Variants in ETNK1 observed in about 807,000 individuals in gnomAD.
ETNK1 encodes ethanolamine kinase 1.
A neutral mutation model predicts 45.1 loss-of-function variants in ETNK1; 8 were observed. The ratio of observed to expected loss-of-function variants is 0.18; its 90% CI spans 0.10 to 0.32. The LOEUF is 0.32. Among genes scored for constraint, ETNK1 ranks in the 10% least tolerant of loss-of-function variants. The probability of loss-of-function intolerance (pLI) is 1.00; values close to 1 mark genes in which losing one functional copy is unlikely to be tolerated. For missense variants in ETNK1, 302 were observed against 430.6 expected (o/e 0.70, Z 2.64); for synonymous variants, 152 against 151.9 (o/e 1.00, Z -0.01).
chr12:22,645,157 T>G (rs1283818743), intron 2 of ETNK1, among the ~76,000 whole-genome samples: 1 of 151,962 alleles, frequency 6.6e-6, no homozygotes, highest in Non-Finnish European at 1.5e-5. Flanking sequence ...TAGGCTTGCA[T>G]GTATTTATAA....
Position 22,684,700 on chromosome 12 carries a change from A to T in ETNK1, c.1019+144A>T. 4 of 763,362 alleles carry T rather than the reference A, an allele frequency of 5.2e-6. No individual in the cohort carries two copies. In the East Asian group the frequency reaches 1.1e-4, roughly 20 times the overall value. 47.3% of individuals were successfully genotyped at this position (763,362 alleles called of 1,614,324 possible). On this transcript the variant is annotated intron_variant, in intron 7 of 7. Coordinates refer to ENST00000266517, the MANE Select transcript of ETNK1 (RefSeq NM_018638.5). ...GTAATTGGTCTGTGAAGAAATTGCT[A>T]TAAGCTGTTAAGTGCTCGCAGGATT...
intron 6 of ETNK1, 54 bp downstream of exon 6, chr12:22,673,714 T>A: frequency 6.8e-7 from 1 of 1,481,114 alleles, no homozygotes; most frequent in Non-Finnish European, 9.1e-7. Context: ...TTGAAAATGC[T>A]TCTAAATTTT....
rs1954255678 is a variant in ETNK1 at position 22,685,777 on chromosome 12, TC to T, written c.*825del. On this transcript the variant is annotated 3_prime_UTR_variant, in exon 8 of 8. Transcript: ENST00000266517. ...ATCAAATTGTTTCTAACCAAAAATT[TC>T]CTTTTACTTCTAGAGATGCTTTATG... 1 of 151,926 alleles carries T rather than the reference TC, an allele frequency of 6.6e-6. No homozygotes were observed. Among genetic ancestry groups the T allele is most frequent in the Non-Finnish European group, 1.5e-5 (1 of 67,806 alleles). 9.4% of individuals were successfully genotyped at this position (151,926 alleles called of 1,614,324 possible). A position where few individuals can be genotyped will look rare whatever the true frequency, so the allele number is the denominator to read the frequency against.
At chr12:22,661,564 A>G (rs1426292152) in intron 4 of ETNK1, among the ~76,000 whole-genome samples, 2 of 152,204 alleles carry the variant, frequency 1.3e-5, no homozygotes, top group African/African-American at 4.8e-5. Context: ...GAAAATCAAC[A>G]TATTGACATT....
chr12:22,650,383 C>T (rs1380886492), intron 2 of ETNK1, among the ~76,000 whole-genome samples: 7 of 151,444 alleles, frequency 4.6e-5, no homozygotes, highest in Admixed American at 2.0e-4. Context: ...CTTCAAATTA[C>T]GTGTCATTAA....
intron 6 of ETNK1, among the ~76,000 whole-genome samples, chr12:22,674,603 G>A (rs74421374): frequency 6.6e-6 from 1 of 152,208 alleles, no homozygotes; most frequent in East Asian, 1.9e-4. Flanking sequence ...TTGTATTTAA[G>A]CATGATCTTA....
chr12:22,640,302 C>A (rs950882765), intron 1 of ETNK1, among the ~76,000 whole-genome samples: 1 of 151,408 alleles, frequency 6.6e-6, no homozygotes, highest in African/African-American at 2.4e-5. Flanking sequence ...TAAAGTTTAA[C>A]AGGATATAAT....
At chr12:22,681,955 C>A (rs1335017543) in intron 6 of ETNK1, among the ~76,000 whole-genome samples, 1 of 152,056 alleles carries the variant, frequency 6.6e-6, no homozygotes, top group Non-Finnish European at 1.5e-5. Context: ...GTGATAGTTT[C>A]TTAAAGGTTA....
At chr12:22,642,786 T>G (rs1368168252) in intron 1 of ETNK1, among the ~76,000 whole-genome samples, 1 of 152,098 alleles carries the variant, frequency 6.6e-6, no homozygotes, top group Non-Finnish European at 1.5e-5. Flanking sequence ...CTTTTCTCTT[T>G]TCTTCCTTTG....
At chr12:22,661,543 T>C (rs983494292) in intron 4 of ETNK1, among the ~76,000 whole-genome samples, 2 of 152,162 alleles carry the variant, frequency 1.3e-5, no homozygotes, top group Non-Finnish European at 2.9e-5. Context: ...CTGCTTGTAA[T>C]GGGGGATGTG....
At chr12:22,671,116 A>G (rs1392591513) in intron 4 of ETNK1, 156 bp from the exon 5 acceptor site, 6 of 611,526 alleles carry the variant, frequency 9.8e-6, no homozygotes, top group Non-Finnish European at 1.1e-5. Context: ...TTGCCATAAA[A>G]TTCACAGCCC....
intron 3 of ETNK1, among the ~76,000 whole-genome samples, chr12:22,659,907 AC>A (rs892737143): frequency 5.3e-5 from 8 of 152,136 alleles, no homozygotes; most frequent in African/African-American, 1.9e-4. Context: ...AGAAAATAAT[AC>A]AACTAGAACA....
intron 6 of ETNK1, among the ~76,000 whole-genome samples, chr12:22,680,723 T>C (rs142633219): frequency 1.3e-4 from 20 of 152,294 alleles, no homozygotes; most frequent in African/African-American, 4.1e-4. Context: ...TGAAATAGTA[T>C]AAATGGTTAG....
rs1416798009 is a variant in ETNK1 at position 22,688,590 on chromosome 12, A to G, written c.*3636A>G. On this transcript the variant is annotated 3_prime_UTR_variant, in exon 8 of 8. Transcript: ENST00000266517. ...AAATTGTTTTTAATAAGCATTCCAA[A>G]GTGATACAGACTTAAGCTTTTAATC... 1 of 152,322 alleles carries G rather than the reference A, an allele frequency of 6.6e-6. No individual in the cohort carries two copies. Among genetic ancestry groups the G allele is most frequent in the African/African-American group, 2.4e-5 (1 of 41,424 alleles). The allele number at this position is 152,322 out of a possible 1,614,324, so 9.4% of individuals were successfully genotyped here. A position where few individuals can be genotyped will look rare whatever the true frequency, so the allele number is the denominator to read the frequency against.
chr12:22,648,527 A>G (rs1254454686), intron 2 of ETNK1, among the ~76,000 whole-genome samples: 1 of 151,830 alleles, frequency 6.6e-6, no homozygotes, highest in Non-Finnish European at 1.5e-5. Context: ...TGTTTCTTCC[A>G]TGTCTTTTTA....
At chr12:22,677,999 G>A (rs1441626973) in intron 6 of ETNK1, among the ~76,000 whole-genome samples, 1 of 152,076 alleles carries the variant, frequency 6.6e-6, no homozygotes, top group Non-Finnish European at 1.5e-5. Flanking sequence ...TGCTTTTCCT[G>A]CCCTTCTGGG....
Position 22,625,186 on chromosome 12 carries a change from C to T in ETNK1, c.-245C>T. 6.2e-7 allele frequency: 1 copy of T among 1,606,754 alleles called. No individual in the cohort carries two copies. The highest frequency in any genetic ancestry group is 8.5e-7 in the Non-Finnish European group (1 of 1,176,664). On this transcript the variant is annotated 5_prime_UTR_variant, in exon 1 of 8. Transcript: ENST00000266517. ...GGCATGCTCTGCGGCCGCCCGCGGT[C>T]CAGCTCCGACAACAGGAATTTTCTC...
At chr12:22,658,569 T>C (rs1301530521) in intron 2 of ETNK1, among the ~76,000 whole-genome samples, 3 of 152,126 alleles carry the variant, frequency 2.0e-5, no homozygotes, top group African/African-American at 4.8e-5. Context: ...CATTGAGATA[T>C]AGGTATAGGG....
Position 22,655,727 on chromosome 12 carries a change from T to C in ETNK1, c.417-3287T>C, listed in dbSNP as rs557591418. Reference sequence around the variant, plus strand: ...AAATAGATCAAATTTTTTGTAGATGTTAATTTTTTTTCCTGGTGTTTGGGG... The same window carrying C: ...AAATAGATCAAATTTTTTGTAGATGCTAATTTTTTTTCCTGGTGTTTGGGG... On this transcript the variant is annotated intron_variant, in intron 2 of 7. Coordinates refer to ENST00000266517, the MANE Select transcript of ETNK1 (RefSeq NM_018638.5). Among the ~76,000 whole-genome samples the C allele has an allele frequency of 1.6e-4, 24 of 151,836 alleles. No homozygotes were observed. In the East Asian group the frequency reaches 3.9e-3, roughly 24 times the overall value.
Sources: gnomAD v4.1 joint callset for allele counts (sites outside exome capture counted in the v4.1 genomes callset) on GRCh38, gnomAD v4.1.1 for gene constraint, MANE v1.5 for transcripts, NCBI Gene and HGNC (gene_info 2026-07-23, HGNC 2026-07-21) for gene names.